Variants in CMTM8 observed in about 807,000 individuals in gnomAD.
CMTM8 encodes the protein CKLF like MARVEL transmembrane domain containing 8, also known as CKLF-like MARVEL transmembrane domain-containing protein 8.
In CMTM8, 12 loss-of-function variants were observed where a neutral mutation model predicts 18.6. That is an observed-to-expected ratio of 0.65 (90% confidence interval 0.41 to 1.05). CMTM8 has a LOEUF of 1.05. CMTM8 is among the 50% of genes least tolerant of loss of function. CMTM8 has a pLI of 0.00. For synonymous variants in CMTM8, 87 were observed against 90.6 expected, an observed-to-expected ratio of 0.96 and a Z score of 0.23; for missense variants, 217 against 227.2, an observed-to-expected ratio of 0.95 and a Z score of 0.29.
In CMTM8 at chr3:32,358,235, T is replaced by C. The variant is rs1465262310; in HGVS notation, c.321+689T>C. Among the ~76,000 whole-genome samples the C allele has an allele frequency of 6.6e-6, 1 of 152,200 alleles. No individual in the cohort carries two copies. The highest frequency in any genetic ancestry group is 6.5e-5 in the Admixed American group (1 of 15,276). ...GGCTGCCACCTCAGCTTAGGATGGC[T>C]GGGAACTCTTCAGAGAGGAAGTGAC... On this transcript the variant is annotated intron_variant, in intron 2 of 3. Transcript: ENST00000307526. The surrounding 1 kb of genome is among the most constrained non-coding windows in gnomAD (Gnocchi z 4.1).
At chr3:32,364,905 G>A (rs1165939752) in intron 2 of CMTM8, among the ~76,000 whole-genome samples, 1 of 152,240 alleles carries the variant, frequency 6.6e-6, no homozygotes, top group African/African-American at 2.4e-5. Context: ...CTGAGGGGAT[G>A]TTCGCAGCAG....
At chr3:32,326,020 A>G (rs915800824) in intron 1 of CMTM8, among the ~76,000 whole-genome samples, 2 of 152,148 alleles carry the variant, frequency 1.3e-5, no homozygotes, top group African/African-American at 4.8e-5. Flanking sequence ...CTGGCATGAA[A>G]CCTTCTCTCA....
chr3:32,249,955 A>G (rs535067836), intron 1 of CMTM8, among the ~76,000 whole-genome samples: 139 of 152,266 alleles, frequency 9.1e-4, no homozygotes, highest in Non-Finnish European at 1.6e-3. Context: ...GAAGGCTTTG[A>G]CTAATCCAGG....
At chr3:32,362,166 G>T (rs181446308) in intron 2 of CMTM8, among the ~76,000 whole-genome samples, 1 of 149,724 alleles carries the variant, frequency 6.7e-6, no homozygotes, top group East Asian at 2.0e-4. Context: ...TCAGCCTCCT[G>T]AGTATCTGGG....
At chr3:32,265,004 G>A (rs867940018) in intron 1 of CMTM8, among the ~76,000 whole-genome samples, 8 of 151,974 alleles carry the variant, frequency 5.3e-5, no homozygotes, top group Non-Finnish European at 7.4e-5. Context: ...AATAATAATG[G>A]GAGACTTTAA....
At chr3:32,304,617 A>T (rs1309590152) in intron 1 of CMTM8, among the ~76,000 whole-genome samples, 1 of 152,222 alleles carries the variant, frequency 6.6e-6, no homozygotes, top group Non-Finnish European at 1.5e-5. Context: ...ATTTGTCTGG[A>T]GTTAGTAGCC....
chr3:32,308,450 C>T (rs1251295120), intron 1 of CMTM8, among the ~76,000 whole-genome samples: 1 of 152,186 alleles, frequency 6.6e-6, no homozygotes, highest in Non-Finnish European at 1.5e-5. Flanking sequence ...TAAGCATTTC[C>T]AGCCCGCAGT....
At chr3:32,276,510 A>G (rs143213948) in intron 1 of CMTM8, among the ~76,000 whole-genome samples, 1,666 of 152,270 alleles carry the variant, frequency 0.011, 29 homozygotes, top group African/African-American at 0.038. Flanking sequence ...CAATTAGAGT[A>G]ATTGCCTGTG....
At chr3:32,283,287 C>A (rs372437430) in intron 1 of CMTM8, among the ~76,000 whole-genome samples, 2 of 152,158 alleles carry the variant, frequency 1.3e-5, no homozygotes, top group African/African-American at 4.8e-5. Context: ...ATTTCTCTGT[C>A]TTTTCCACCT....
At chr3:32,263,476 T>C (rs1247089465) in intron 1 of CMTM8, among the ~76,000 whole-genome samples, 1 of 151,830 alleles carries the variant, frequency 6.6e-6, no homozygotes, top group African/African-American at 2.4e-5. Context: ...AGACCAAAGG[T>C]AGATAAAACC....
chr3:32,277,890 A>G (rs1350590926), intron 1 of CMTM8, among the ~76,000 whole-genome samples: 1 of 152,180 alleles, frequency 6.6e-6, no homozygotes, highest in Non-Finnish European at 1.5e-5. Flanking sequence ...TCTGCATGTA[A>G]GAGTGTTGGT....
chr3:32,357,920 C>T (rs1448235192), intron 2 of CMTM8, among the ~76,000 whole-genome samples: 1 of 152,306 alleles, frequency 6.6e-6, no homozygotes, highest in South Asian at 2.1e-4. Context: ...TCCTATAAAC[C>T]TCTCCTGGGG....
At chr3:32,295,122 T>C (rs1390587599) in intron 1 of CMTM8, among the ~76,000 whole-genome samples, 1 of 151,922 alleles carries the variant, frequency 6.6e-6, no homozygotes, top group African/African-American at 2.4e-5. Context: ...TATTCAGCAA[T>C]TATTTGAACA....
chr3:32,291,689 A>G (rs903461940), intron 1 of CMTM8, among the ~76,000 whole-genome samples: 2 of 152,230 alleles, frequency 1.3e-5, no homozygotes, highest in African/African-American at 4.8e-5. Context: ...GGGAATCCAG[A>G]AAAAAGAATG....
At chr3:32,269,738 C>A (rs1702407772) in intron 1 of CMTM8, among the ~76,000 whole-genome samples, 1 of 152,170 alleles carries the variant, frequency 6.6e-6, no homozygotes, top group East Asian at 1.9e-4. Flanking sequence ...TTCACTAAAA[C>A]TTTTTTGTGT....
intron 1 of CMTM8, among the ~76,000 whole-genome samples, chr3:32,349,462 C>G (rs1358980655): frequency 6.6e-6 from 1 of 152,144 alleles, no homozygotes; most frequent in African/African-American, 2.4e-5. Flanking sequence ...TTTGTTTCCA[C>G]TATAATGTTC....
chr3:32,309,286 C>T (rs1476546918), intron 1 of CMTM8, among the ~76,000 whole-genome samples: 2 of 145,438 alleles, frequency 1.4e-5, no homozygotes, highest in African/African-American at 5.1e-5. Context: ...GCTGAGCTCT[C>T]AACCAATTTA....
chr3:32,256,235 T>C (rs936680639), intron 1 of CMTM8, among the ~76,000 whole-genome samples: 7 of 3,034 alleles, frequency 2.3e-3, no homozygotes, highest in Admixed American at 8.7e-3. Context: ...CCTGGATAAT[T>C]TTTTTTTATT....
intron 1 of CMTM8, among the ~76,000 whole-genome samples, chr3:32,292,333 G>A (rs908683704): frequency 1.3e-5 from 2 of 152,156 alleles, no homozygotes; most frequent in Non-Finnish European, 2.9e-5. Context: ...TCACAGATAA[G>A]ACAGGGGCCA....
Sources: allele counts gnomAD v4.1 joint callset (sites outside exome capture counted in the v4.1 genomes callset), GRCh38; gene constraint gnomAD v4.1.1; non-coding constraint Gnocchi (gnomAD v3.1); transcripts MANE v1.5; gene names NCBI Gene and HGNC (gene_info 2026-07-23, HGNC 2026-07-21).